Variants in MPHOSPH9 observed in about 807,000 individuals in gnomAD.
The protein encoded by MPHOSPH9 is M-phase phosphoprotein 9.
Under a neutral mutation model 145.5 loss-of-function variants are expected in MPHOSPH9, and 88 were observed. The ratio of observed to expected loss-of-function variants is 0.60; its 90% CI spans 0.51 to 0.72. The LOEUF (loss-of-function observed/expected upper bound fraction) is 0.72. Ranked by LOEUF, MPHOSPH9 falls within the 30% of genes least tolerant of loss-of-function variation. The pLI is 0.00. For synonymous variants in MPHOSPH9, 435 were observed against 486.2 expected (o/e 0.89, Z 1.39); for missense variants, 1,238 against 1,386.6 (o/e 0.89, Z 1.70).
intron 16 of MPHOSPH9, among the ~76,000 whole-genome samples, chr12:123,170,750 C>T (rs1346685812): frequency 1.3e-5 from 2 of 152,262 alleles, no homozygotes; most frequent in African/African-American, 2.4e-5. Context: ...AAAATTAACA[C>T]GTGTGAAAAT....
chr12:123,223,812 C>T (rs1212445936), intron 3 of MPHOSPH9, among the ~76,000 whole-genome samples: 1 of 152,160 alleles, frequency 6.6e-6, no homozygotes, highest in East Asian at 1.9e-4. Context: ...ACTCTAACTC[C>T]AAGCTCTCCA....
chr12:123,173,006 G>T (rs1028778866), intron 16 of MPHOSPH9, among the ~76,000 whole-genome samples: 3 of 150,188 alleles, frequency 2.0e-5, no homozygotes, highest in Non-Finnish European at 3.0e-5. Flanking sequence ...CTCCCGAGTA[G>T]CTGGGATTAC....
At chr12:123,170,456 A>AT (rs1257739798) in intron 16 of MPHOSPH9, among the ~76,000 whole-genome samples, 2 of 151,728 alleles carry the variant, frequency 1.3e-5, no homozygotes, top group Non-Finnish European at 2.9e-5. Context: ...AACTTTTTAT[A>AT]TTTTTTGTAG....
rs954625844 is a variant in MPHOSPH9 at position 123,214,772 on chromosome 12, T to C, written c.1059A>G (p.Pro353=). Reference sequence around the variant, plus strand: ...TTCCTGAATCAGACATCCAAGCATTTGGAGTTTCATCTGGTTTACTGAGGT... The same window carrying C: ...TTCCTGAATCAGACATCCAAGCATTCGGAGTTTCATCTGGTTTACTGAGGT... ...AFYLSKPDET[P]NAWMSDSGTG... is the part of the protein sequence containing the mutation. The change falls in exon 7 of 24, where the codon CCA becomes CCG. Residue 353 remains proline (P), a synonymous_variant. Transcript: ENST00000606320. 1.9e-6 allele frequency: 3 copies of C among 1,613,262 alleles called. No individual in the cohort carries two copies. The highest frequency in any genetic ancestry group is 2.7e-5 in the African/African-American group (2 of 74,926).
intron 3 of MPHOSPH9, 50 bp downstream of exon 3, chr12:123,227,413 G>C: frequency 7.6e-7 from 1 of 1,320,920 alleles, no homozygotes; most frequent in Non-Finnish European, 1.0e-6. Flanking sequence ...GTAGAGGTAT[G>C]TTTTAACATA....
intron 22 of MPHOSPH9, 138 bp from the exon 23 acceptor site, chr12:123,160,987 C>A: frequency 7.6e-7 from 1 of 1,322,136 alleles, no homozygotes; most frequent in East Asian, 2.5e-5. Context: ...TTAGTAACGA[C>A]CACATGGCTC....
intron 1 of MPHOSPH9, 166 bp downstream of exon 1, chr12:123,232,909 G>A (rs2047727507): frequency 6.6e-6 from 1 of 152,314 alleles, no homozygotes; most frequent in Non-Finnish European, 1.5e-5. Flanking sequence ...CGGCCGGGCA[G>A]AGCTCCCACA....
chr12:123,152,561 T>C (rs1249298176), downstream of MPHOSPH9: 1 of 456,638 alleles, frequency 2.2e-6, no homozygotes, highest in South Asian at 1.5e-5. Context: ...GTCATAGAGA[T>C]GACATGGTAC....
At chr12:123,180,309 A>G (rs1385502563) in intron 14 of MPHOSPH9, among the ~76,000 whole-genome samples, 5 of 152,220 alleles carry the variant, frequency 3.3e-5, no homozygotes, top group Non-Finnish European at 7.3e-5. Flanking sequence ...AATATTTTCA[A>G]TGAGATTTAG....
intron 7 of MPHOSPH9, 31 bp downstream of exon 7, chr12:123,214,713 G>A (rs192897168): frequency 1.3e-6 from 2 of 1,537,984 alleles, no homozygotes; most frequent in Admixed American, 1.7e-5. Flanking sequence ...TGTAGTTTAG[G>A]TTAAAAAAAA....
chr12:123,176,851 CCA>C (rs1358560906), intron 15 of MPHOSPH9, 62 bp from the exon 16 acceptor site: 7 of 1,299,718 alleles, frequency 5.4e-6, no homozygotes, highest in African/African-American at 4.4e-5. Flanking sequence ...TATAGCTCAA[CCA>C]CAGTTTATTT....
At chr12:123,193,824 T>C (rs1261034397) in intron 13 of MPHOSPH9, among the ~76,000 whole-genome samples, 1 of 30,472 alleles carries the variant, frequency 3.3e-5, no homozygotes, top group African/African-American at 4.4e-5. Flanking sequence ...GCAGACACAG[T>C]TTTTTTTTTT....
chr12:123,196,246 A>C (rs1402685367), intron 12 of MPHOSPH9, among the ~76,000 whole-genome samples: 1 of 152,084 alleles, frequency 6.6e-6, no homozygotes, highest in Non-Finnish European at 1.5e-5. Context: ...GCTATTCAGG[A>C]GGCTGAGGCA....
At chr12:123,163,179 T>C (rs775040362) in intron 19 of MPHOSPH9, 45 bp from the exon 20 acceptor site, 2 of 1,500,380 alleles carry the variant, frequency 1.3e-6, no homozygotes, top group African/African-American at 2.9e-5. Flanking sequence ...CTTCTATATG[T>C]ATCAGCATAA....
intron 13 of MPHOSPH9, 151 bp downstream of exon 13, chr12:123,194,235 C>T (rs2045843374): frequency 3.5e-6 from 2 of 571,430 alleles, no homozygotes; most frequent in South Asian, 2.5e-5. Context: ...TGCCACTGCA[C>T]TCCAGCCTGG....
chr12:123,222,822 G>C (rs1371064026), intron 4 of MPHOSPH9, among the ~76,000 whole-genome samples: 1 of 152,076 alleles, frequency 6.6e-6, no homozygotes, highest in African/African-American at 2.4e-5. Context: ...TGTAATCTCA[G>C]CTACTCGGGA....
intron 21 of MPHOSPH9, among the ~76,000 whole-genome samples, chr12:123,161,753 A>C (rs2044117262): frequency 6.6e-6 from 1 of 152,038 alleles, no homozygotes; most frequent in Admixed American, 6.6e-5. Flanking sequence ...TTGAGGGCCT[A>C]CCCAAGTGAT....
chr12:123,162,246 G>GA (rs747591273), intron 20 of MPHOSPH9, 28 bp from the exon 21 acceptor site: 76 of 1,277,608 alleles, frequency 5.9e-5, no homozygotes, highest in South Asian at 1.5e-4. Context: ...TTACTTGTGA[G>GA]AAAAAAAATG....
chr12:123,179,741 A>C (rs958425010), intron 15 of MPHOSPH9, among the ~76,000 whole-genome samples, 185 bp downstream of exon 15: 4 of 149,868 alleles, frequency 2.7e-5, no homozygotes, highest in African/African-American at 7.3e-5. Context: ...AAAAAGAGAG[A>C]GAGAGAGAAG....
Sources: gnomAD v4.1 joint callset for allele counts (sites outside exome capture counted in the v4.1 genomes callset) on GRCh38, gnomAD v4.1.1 for gene constraint, MANE v1.5 for transcripts, NCBI Gene and HGNC (gene_info 2026-07-23, HGNC 2026-07-21) for gene names.